The following PREX2 variants were observed in gnomAD, a reference collection of about 807,000 sequenced individuals.
PREX2 encodes the protein phosphatidylinositol 3,4,5-trisphosphate-dependent Rac exchanger 2 protein.
A neutral mutation model predicts 203.2 loss-of-function variants in PREX2; 107 were observed. The observed-to-expected ratio is 0.53, with a 90% confidence interval of 0.45 to 0.62. The LOEUF (loss-of-function observed/expected upper bound fraction) is 0.62, where lower values mean the gene tolerates loss of function less well. Among genes scored for constraint, PREX2 ranks in the 20% least tolerant of loss-of-function variants. The pLI, the probability that PREX2 is intolerant of heterozygous loss-of-function variation, is 0.00. For missense variants in PREX2, 1,777 were observed against 1,955.9 expected (o/e 0.91, Z 1.72); for synonymous variants, 672 against 663.6 (o/e 1.01, Z -0.19).
chr8:67,983,799 A>C (rs935799743), intron 1 of PREX2, among the ~76,000 whole-genome samples: 2 of 152,234 alleles, frequency 1.3e-5, no homozygotes, highest in Non-Finnish European at 2.9e-5. Flanking sequence ...CTCTGGGTCC[A>C]CATGGCTGGG....
At position 68,216,971 on chromosome 8, in the gene PREX2, A is replaced by C. The variant is rs888458599; in HGVS notation, c.4605-645A>C. On this transcript the variant is annotated intron_variant, in intron 37 of 39. Coordinates refer to ENST00000288368, the MANE Select transcript of PREX2 (RefSeq NM_024870.4). Reference sequence around the variant, plus strand: ...GCAAGACTCCATCTCAAAAAAACAAAAAAAAAAAAAAAAATGAGAGAGAGA... The same window carrying C: ...GCAAGACTCCATCTCAAAAAAACAACAAAAAAAAAAAAAATGAGAGAGAGA... Among the ~76,000 whole-genome samples the C allele has an allele frequency of 2.7e-3, 217 of 79,968 alleles. 5 individuals are homozygous for C. The East Asian group carries it at 0.31, about 115-fold the overall frequency. 52.5% of individuals were successfully genotyped at this position (79,968 alleles called of 152,430 possible). A position where few individuals can be genotyped will look rare whatever the true frequency, so the allele number is the denominator to read the frequency against.
chr8:68,115,510 C>CT (rs1810636708), intron 25 of PREX2, among the ~76,000 whole-genome samples: 2 of 151,142 alleles, frequency 1.3e-5, no homozygotes, highest in African/African-American at 4.9e-5. Context: ...TATAGTCATA[C>CT]ATGGCACAAC....
chr8:68,229,561 A>T (rs1813126035), intron 39 of PREX2, among the ~76,000 whole-genome samples: 1 of 152,226 alleles, frequency 6.6e-6, no homozygotes. Flanking sequence ...GCCCAGTTCC[A>T]CAATACCCAG....
At chr8:68,087,218 T>C (rs1165912696) in intron 18 of PREX2, among the ~76,000 whole-genome samples, 1 of 152,214 alleles carries the variant, frequency 6.6e-6, no homozygotes, top group Non-Finnish European at 1.5e-5. Context: ...AACTGACTAC[T>C]TGAAGATTCA....
intron 13 of PREX2, 36 bp downstream of exon 13, chr8:68,069,920 G>A (rs1394864614): frequency 1.6e-6 from 2 of 1,223,860 alleles, no homozygotes; most frequent in South Asian, 1.3e-5. Flanking sequence ...AAACTTAAAT[G>A]GAAATATTTG....
chr8:68,159,373 A>G (rs1811609048), intron 35 of PREX2, among the ~76,000 whole-genome samples: 1 of 152,226 alleles, frequency 6.6e-6, no homozygotes, highest in South Asian at 2.1e-4. Context: ...CATAAAGTGC[A>G]AGAAGAATAG....
At position 68,030,765 on chromosome 8, in the gene PREX2, A is replaced by G. The variant is rs1033904499; in HGVS notation, c.705+107A>G. ...ACCATAAATGGTCATTTTCTCAGAT[A>G]TTACTTGAGGACTGTAGTCAATTCT... On this transcript the variant is annotated intron_variant, in intron 6 of 39. Transcript: ENST00000288368. 10 of 1,067,732 alleles carry G rather than the reference A, an allele frequency of 9.4e-6. No homozygotes were observed. The African/African-American group carries it at 1.1e-4, about 12-fold the overall frequency. 66.1% of individuals were successfully genotyped at this position (1,067,732 alleles called of 1,614,324 possible).
At chr8:68,147,384 G>A (rs1187094513) in intron 34 of PREX2, among the ~76,000 whole-genome samples, 2 of 152,104 alleles carry the variant, frequency 1.3e-5, no homozygotes. Context: ...TTGTGGGAGG[G>A]ACCTGGTGGG....
chr8:68,071,027 G>A (rs533097833), intron 13 of PREX2, among the ~76,000 whole-genome samples: 2 of 151,966 alleles, frequency 1.3e-5, no homozygotes, highest in African/African-American at 4.8e-5. Flanking sequence ...ATAGCAATTG[G>A]GTACTTAAAT....
chr8:67,991,488 G>T (rs921853086), intron 1 of PREX2, among the ~76,000 whole-genome samples: 1 of 152,196 alleles, frequency 6.6e-6, no homozygotes, highest in South Asian at 2.1e-4. Flanking sequence ...GGAAGGTAAA[G>T]GGGAAGCAAA....
rs1813172854 is a variant in PREX2, at chr8:68,231,605, GTC to G, written c.*233_*234del. 2.6e-6 allele frequency: 1 copy of G among 389,646 alleles called. No homozygotes were observed. The highest frequency in any genetic ancestry group is 4.5e-6 in the Non-Finnish European group (1 of 221,580). 24.1% of individuals were successfully genotyped at this position (389,646 alleles called of 1,614,324 possible). A position where few individuals can be genotyped will look rare whatever the true frequency, so the allele number is the denominator to read the frequency against. ...AGACAGTTCAGCTTCACGAACTGATGTCTCTCTGTATTGACATTAAGTATTCA... is the reference window on the plus strand; with the variant it reads ...AGACAGTTCAGCTTCACGAACTGATGTCTCTGTATTGACATTAAGTATTCA... On this transcript the variant is annotated 3_prime_UTR_variant, in exon 40 of 40. Coordinates refer to ENST00000288368, the MANE Select transcript of PREX2 (RefSeq NM_024870.4).
intron 7 of PREX2, among the ~76,000 whole-genome samples, chr8:68,041,810 A>G (rs1808205214): frequency 6.6e-6 from 1 of 152,100 alleles, no homozygotes; most frequent in African/African-American, 2.4e-5. Context: ...AATTGATCCC[A>G]TCTTTATCTA....
intron 22 of PREX2, among the ~76,000 whole-genome samples, chr8:68,098,970 A>G (rs1390595519): frequency 7.9e-6 from 1 of 126,380 alleles, no homozygotes; most frequent in African/African-American, 2.7e-5. Context: ...ATATATATAT[A>G]TATATATCTC....
intron 1 of PREX2, among the ~76,000 whole-genome samples, chr8:67,970,860 G>T (rs908946707): frequency 2.6e-5 from 4 of 152,136 alleles, no homozygotes; most frequent in Admixed American, 2.6e-4. Context: ...ATGTGCAGCT[G>T]TTTTGCAATT....
At chr8:67,992,104 T>C (rs1030305516) in intron 1 of PREX2, among the ~76,000 whole-genome samples, 1 of 152,194 alleles carries the variant, frequency 6.6e-6, no homozygotes, top group Non-Finnish European at 1.5e-5. Context: ...GTCTTTCCCT[T>C]GGACAGTCCT....
chr8:68,012,658 G>T (rs1408206191), intron 1 of PREX2, among the ~76,000 whole-genome samples: 1 of 152,176 alleles, frequency 6.6e-6, no homozygotes, highest in East Asian at 1.9e-4. Flanking sequence ...TTATTATTCT[G>T]TCAGTTTCTG....
intron 33 of PREX2, among the ~76,000 whole-genome samples, chr8:68,140,778 G>T (rs1444254107): frequency 6.6e-6 from 1 of 152,078 alleles, no homozygotes; most frequent in African/African-American, 2.4e-5. Context: ...ATTACATATG[G>T]CTATACTAGT....
At chr8:68,030,272 A>T (rs918403083) in intron 5 of PREX2, among the ~76,000 whole-genome samples, 1 of 152,190 alleles carries the variant, frequency 6.6e-6, no homozygotes, top group Non-Finnish European at 1.5e-5. Flanking sequence ...AATTTTTAAA[A>T]ACAAAGTAAG....
intron 37 of PREX2, among the ~76,000 whole-genome samples, chr8:68,193,932 T>A (rs1812344783): frequency 6.6e-6 from 1 of 152,222 alleles, no homozygotes; most frequent in Non-Finnish European, 1.5e-5. Flanking sequence ...GCAAGAGTAT[T>A]TCTCTTAAAA....
Sources: allele counts gnomAD v4.1 joint callset (sites outside exome capture counted in the v4.1 genomes callset), GRCh38; gene constraint gnomAD v4.1.1; transcripts MANE v1.5; gene names NCBI Gene and HGNC (gene_info 2026-07-23, HGNC 2026-07-21).